The following SFPQ variants were observed in gnomAD, a reference collection of about 807,000 sequenced individuals.
SFPQ encodes the protein splicing factor, proline- and glutamine-rich.
SFPQ carries 11 observed loss-of-function variants against 72.9 expected under a neutral mutation model. The observed-to-expected ratio is 0.15, with a 90% confidence interval of 0.09 to 0.25. The LOEUF (loss-of-function observed/expected upper bound fraction) is 0.25, where lower values mean the gene tolerates loss of function less well. SFPQ is among the 10% of genes least tolerant of loss of function. SFPQ has a pLI of 1.00. For synonymous variants in SFPQ, 506 were observed against 367.3 expected (o/e 1.38, Z -4.32); for missense variants, 847 against 993.3 (o/e 0.85, Z 1.98).
downstream of SFPQ, chr1:35,180,092 C>T (rs1419691666): frequency 4.6e-5 from 48 of 1,050,746 alleles, no homozygotes; most frequent in Non-Finnish European, 5.1e-5. Context: ...TGCTTGCCAA[C>T]GAGCAAGCTT....
downstream of SFPQ, chr1:35,181,744 C>T (rs1639476832): frequency 4.7e-6 from 5 of 1,060,932 alleles, no homozygotes; most frequent in Non-Finnish European, 5.7e-6. Flanking sequence ...AAAATTGCTA[C>T]CTCCCCTTTC....
At chr1:35,177,266 A>G (rs928862158) in intron 5 of SFPQ, 6 of 152,134 alleles carry the variant, frequency 3.9e-5, no homozygotes, top group Non-Finnish European at 8.8e-5. Context: ...TTTTTGTACC[A>G]CCCAAGGGCC....
Position 35,192,781 on chromosome 1 carries a change from TGCG to T in SFPQ, c.266_268del (p.Pro89del). 4 of 1,499,136 alleles carry T rather than the reference TGCG, an allele frequency of 2.7e-6. No individual in the cohort carries two copies. The highest frequency in any genetic ancestry group is 2.2e-5 in the Admixed American group (1 of 46,268). 92.9% of individuals were successfully genotyped at this position (1,499,136 alleles called of 1,614,324 possible). A position where few individuals can be genotyped will look rare whatever the true frequency, so the allele number is the denominator to read the frequency against. Reference sequence around the variant, plus strand: ...CTGCTGCTGCTGATGCGGCTGTGGATGCGGCGGCGGCTGATGCGGTGGCGGCTG... The same window carrying T: ...CTGCTGCTGCTGATGCGGCTGTGGATGCGGCGGCTGATGCGGTGGCGGCTG... On this transcript the variant is annotated inframe_deletion, in exon 1 of 10. Coordinates refer to ENST00000357214, the MANE Select transcript of SFPQ (RefSeq NM_005066.3).
Position 35,191,398 on chromosome 1 carries a change from A to G in SFPQ, c.960T>C (p.Tyr320=), listed in dbSNP as rs758685400. 3.1e-6 allele frequency: 5 copies of G among 1,614,146 alleles called. No individual in the cohort carries two copies. Among genetic ancestry groups the G allele is most frequent in the Non-Finnish European group, 3.4e-6 (4 of 1,179,976 alleles). The change falls in exon 2 of 10, where the codon TAT becomes TAC. Residue 320 remains tyrosine, a synonymous_variant. Coordinates refer to ENST00000357214, the MANE Select transcript of SFPQ (RefSeq NM_005066.3). The stretch of plus-strand genomic sequence containing the variant: ...TGATAAAAACTTCTCCTGGTTCTCC[A>G]TATTTAGCAAATAGTCTTTTGAATT... ...EDEFKRLFAK[Y]GEPGEVFINK...
Position 35,183,111 on chromosome 1 carries a change from G to C in SFPQ, c.*1345C>G. ...ACAATCACCACTAGCTCTTAGAAGA[G>C]AACCAATAGATTTTTATAGTCCTAT... is the stretch of plus-strand genomic sequence containing the variant. On this transcript the variant is annotated 3_prime_UTR_variant, in exon 10 of 10. Transcript: ENST00000357214. 1 of 1,026,182 alleles carries C rather than the reference G, an allele frequency of 9.7e-7. No homozygotes were observed. Among genetic ancestry groups the C allele is most frequent in the Non-Finnish European group, 1.2e-6 (1 of 855,948 alleles). The allele number at this position is 1,026,182 out of a possible 1,614,324, so 63.6% of individuals were successfully genotyped here. A position where few individuals can be genotyped will look rare whatever the true frequency, so the allele number is the denominator to read the frequency against.
rs548554858 is a variant in SFPQ, at chr1:35,183,791, C to T, written c.*665G>A. 32 of 1,054,608 alleles carry T rather than the reference C, an allele frequency of 3.0e-5. No homozygotes were observed. The highest frequency in any genetic ancestry group is 3.4e-5 in the Non-Finnish European group (30 of 872,336). 65.3% of individuals were successfully genotyped at this position (1,054,608 alleles called of 1,614,324 possible). ...ATCCATTTAATCAAACCCACTTTCA[C>T]CCCCTACCAATTGTCTTACACCCAT... On this transcript the variant is annotated 3_prime_UTR_variant, in exon 10 of 10. Transcript: ENST00000357214.
intron 9 of SFPQ, among the ~76,000 whole-genome samples, chr1:35,186,355 C>G: frequency 6.6e-6 from 1 of 152,152 alleles, no homozygotes. Flanking sequence ...ATGATAGCAT[C>G]AAGAAGGTTC....
In SFPQ at chr1:35,183,082, G is replaced by GTTAA; in HGVS notation, c.*1370_*1373dup. The GTTAA allele has an allele frequency of 9.7e-7, 1 of 1,031,546 alleles. No individual in the cohort carries two copies. Among genetic ancestry groups the GTTAA allele is most frequent in the Middle Eastern group, 4.5e-4 (1 of 2,226 alleles). The allele number at this position is 1,031,546 out of a possible 1,614,324, so 63.9% of individuals were successfully genotyped here. Reference sequence around the variant, plus strand: ...AGAATGATTATCTGCAACCCTATTTGTTAACAATCACCACTAGCTCTTAGA... The same window carrying GTTAA: ...AGAATGATTATCTGCAACCCTATTTGTTAATTAACAATCACCACTAGCTCTTAGA... On this transcript the variant is annotated 3_prime_UTR_variant, in exon 10 of 10. Transcript: ENST00000357214.
chr1:35,182,872 A>G, downstream of SFPQ: 1 of 1,046,006 alleles, frequency 9.6e-7, no homozygotes, highest in Non-Finnish European at 1.2e-6. Context: ...TTTAATAGTC[A>G]AAGTCTCTTG....
In SFPQ at chr1:35,188,108, G is replaced by A. The variant is rs578002966; in HGVS notation, c.1698-18C>T. The A allele has an allele frequency of 1.1e-5, 16 of 1,523,724 alleles. No homozygotes were observed. The highest frequency in any genetic ancestry group is 1.3e-5 in the Non-Finnish European group (14 of 1,098,196). 94.4% of individuals were successfully genotyped at this position (1,523,724 alleles called of 1,614,324 possible). On this transcript the variant is annotated intron_variant, in intron 6 of 9. Transcript: ENST00000357214. ...CCTCTTGCCTAGAAATACCCATCAG[G>A]TACATAACTGAAGTGTTATCCACAT...
chr1:35,182,025 C>T (rs1639489761), downstream of SFPQ: 1 of 985,394 alleles, frequency 1.0e-6, no homozygotes, highest in African/African-American at 1.7e-5. Context: ...TAGCATCCTT[C>T]ACCACTCTTC....
At position 35,183,499 on chromosome 1, in the gene SFPQ, G is replaced by A; in HGVS notation, c.*957C>T. The A allele has an allele frequency of 1.0e-6, 1 of 988,578 alleles. No homozygotes were observed. Among genetic ancestry groups the A allele is most frequent in the East Asian group, 7.1e-5 (1 of 14,048 alleles). 61.2% of individuals were successfully genotyped at this position (988,578 alleles called of 1,614,324 possible). On this transcript the variant is annotated 3_prime_UTR_variant, in exon 10 of 10. Coordinates refer to ENST00000357214, the MANE Select transcript of SFPQ (RefSeq NM_005066.3). ...CCCAAAGTGCTGGGATTACAGGCGT[G>A]AGCCACCGCGCCCGGCCCAGTTACT...
downstream of SFPQ, chr1:35,181,839 G>A (rs1039868017): frequency 1.8e-5 from 18 of 983,910 alleles, no homozygotes; most frequent in Non-Finnish European, 1.8e-5. Context: ...TATATACATT[G>A]AAGACTTATT....
chr1:35,189,688 C>T (rs1225511181), intron 4 of SFPQ, among the ~76,000 whole-genome samples: 2 of 152,142 alleles, frequency 1.3e-5, no homozygotes, highest in Admixed American at 6.6e-5. Context: ...GTGGCTCACC[C>T]CTGTAATCCC....
intron 9 of SFPQ, among the ~76,000 whole-genome samples, chr1:35,186,383 T>A (rs1209410741): frequency 6.6e-6 from 1 of 152,174 alleles, no homozygotes; most frequent in Non-Finnish European, 1.5e-5. Context: ...ATGCACACCA[T>A]TAGTATGCTT....
chr1:35,183,383 A>G lies in SFPQ; in HGVS notation c.*1073T>C, dbSNP rs1293879385. 1.4e-5 allele frequency: 4 copies of G among 283,906 alleles called. No individual in the cohort carries two copies. Among genetic ancestry groups the G allele is most frequent in the Non-Finnish European group, 1.6e-5 (3 of 183,720 alleles). 17.6% of individuals were successfully genotyped at this position (283,906 alleles called of 1,614,324 possible). A position where few individuals can be genotyped will look rare whatever the true frequency, so the allele number is the denominator to read the frequency against. On this transcript the variant is annotated 3_prime_UTR_variant, in exon 10 of 10. Coordinates refer to ENST00000357214, the MANE Select transcript of SFPQ (RefSeq NM_005066.3). ...CAGGCGCCTGCCACCACGCCCAGCT[A>G]ATTTTTTGTATTTTTAGTAGAGACG...
At chr1:35,188,199 C>T in intron 6 of SFPQ, 109 bp from the exon 7 acceptor site, 1 of 817,404 alleles carries the variant, frequency 1.2e-6, no homozygotes, top group Non-Finnish European at 2.1e-6. Context: ...CTAAAAAACA[C>T]AAAGGCTTAG....
In SFPQ at chr1:35,190,999, T is replaced by C. The variant is rs1473855501; in HGVS notation, c.1018-4A>G. 2 of 1,610,566 alleles carry C rather than the reference T, an allele frequency of 1.2e-6. No individual in the cohort carries two copies. The highest frequency in any genetic ancestry group is 1.7e-5 in the Admixed American group (1 of 59,534). On this transcript the variant is annotated splice_region_variant and splice_polypyrimidine_tract_variant and intron_variant, in intron 2 of 9. Coordinates refer to ENST00000357214, the MANE Select transcript of SFPQ (RefSeq NM_005066.3). Reference sequence around the variant, plus strand: ...TTTCAGCCAAAGCTCTAGATTCCTGTGTATCAGAGACACTCATGTTAATGA... The same window carrying C: ...TTTCAGCCAAAGCTCTAGATTCCTGCGTATCAGAGACACTCATGTTAATGA...
At chr1:35,182,243 A>T (rs1557785669), downstream of SFPQ, 1 of 985,018 alleles carries the variant, frequency 1.0e-6, no homozygotes, top group Non-Finnish European at 1.2e-6. Context: ...TCTTTAGTAG[A>T]GTCCCTACTA....
Sources: gnomAD v4.1 joint callset for allele counts (sites outside exome capture counted in the v4.1 genomes callset) on GRCh38, gnomAD v4.1.1 for gene constraint, MANE v1.5 for transcripts, NCBI Gene and HGNC (gene_info 2026-07-23, HGNC 2026-07-21) for gene names.